The following ADAMTS2 variants were observed in gnomAD, a reference collection of about 807,000 sequenced individuals.
ADAMTS2 encodes the protein A disintegrin and metalloproteinase with thrombospondin motifs 2.
In ADAMTS2, 50 loss-of-function variants were observed where a neutral mutation model predicts 123.0. The ratio of observed to expected loss-of-function variants is 0.41; its 90% confidence interval spans 0.32 to 0.51. The LOEUF (loss-of-function observed/expected upper bound fraction) is 0.51. ADAMTS2 is among the 20% of genes least tolerant of loss of function. ADAMTS2 has a pLI of 0.35. For synonymous variants in ADAMTS2, 678 were observed against 695.4 expected (o/e 0.98, Z 0.39); for missense variants, 1,494 against 1,705.2 (o/e 0.88, Z 2.18).
rs1346940221 is a variant in ADAMTS2 at position 179,155,952 on chromosome 5, C to T, written c.1133-1033G>A. On this transcript the variant is annotated intron_variant, in intron 6 of 21. Transcript: ENST00000251582. The surrounding 1 kb of genome is among the most constrained non-coding windows in gnomAD (Gnocchi z 5.1). ...TGTACGCGCCTAAAAATAGAAGCATCGTGATCTAACCCTTGTCTTTTCCCG... is the reference window on the plus strand; with the variant it reads ...TGTACGCGCCTAAAAATAGAAGCATTGTGATCTAACCCTTGTCTTTTCCCG... Among the ~76,000 whole-genome samples the T allele has an allele frequency of 6.6e-6, 1 of 152,134 alleles. No homozygotes were observed. Among genetic ancestry groups the T allele is most frequent in the East Asian group, 1.9e-4 (1 of 5,178 alleles).
At chr5:179,179,072 A>G (rs10050501) in intron 5 of ADAMTS2, among the ~76,000 whole-genome samples, 139,293 of 152,230 alleles carry the variant, frequency 0.92, 63,905 homozygotes, top group East Asian at 1. Context: ...AGCCTCCCAA[A>G]TAGTTGGGAC....
At chr5:179,269,273 C>G (rs1351039578) in intron 3 of ADAMTS2, among the ~76,000 whole-genome samples, 1 of 152,216 alleles carries the variant, frequency 6.6e-6, no homozygotes, top group Non-Finnish European at 1.5e-5. Flanking sequence ...TTTCAGACTT[C>G]TGGCCCACAG....
chr5:179,300,996 T>C (rs929769), intron 2 of ADAMTS2, among the ~76,000 whole-genome samples: 72,774 of 151,668 alleles, frequency 0.48, 17,711 homozygotes, highest in South Asian at 0.58. Flanking sequence ...AAACACAGGC[T>C]TCCCCAGTCT....
Position 179,308,034 on chromosome 5 carries a change from G to A in ADAMTS2, c.535-34970C>T, listed in dbSNP as rs1273705581. Among the ~76,000 whole-genome samples the A allele has an allele frequency of 6.6e-6, 1 of 152,072 alleles. No individual in the cohort carries two copies. Among genetic ancestry groups the A allele is most frequent in the Non-Finnish European group, 1.5e-5 (1 of 68,010 alleles). On this transcript the variant is annotated intron_variant, in intron 2 of 21. Coordinates refer to ENST00000251582, the MANE Select transcript of ADAMTS2 (RefSeq NM_014244.5). The surrounding 1 kb of genome is among the most constrained non-coding windows in gnomAD (Gnocchi z 6.6). ...GGCATGGAGTTGAGTACGGGAGGTCGCCGGCCCTCCCGAGGCTCCCTTCCC... is the reference window on the plus strand; with the variant it reads ...GGCATGGAGTTGAGTACGGGAGGTCACCGGCCCTCCCGAGGCTCCCTTCCC...
chr5:179,121,584 G>T, intron 21 of ADAMTS2, 77 bp downstream of exon 21: 1 of 1,223,722 alleles, frequency 8.2e-7, no homozygotes. Context: ...CAGAGAGGAG[G>T]GGGGCCCAAG....
In ADAMTS2 at chr5:179,118,384, C is replaced by T. The variant is rs4701050; in HGVS notation, c.3178+3277G>A. Among the ~76,000 whole-genome samples the T allele has an allele frequency of 0.5, 75,299 of 151,788 alleles. 20,199 individuals are homozygous for T. Among genetic ancestry groups the T allele is most frequent in the African/African-American group, 0.72 (29,643 of 41,392 alleles). On this transcript the variant is annotated intron_variant, in intron 21 of 21. Coordinates refer to ENST00000251582, the MANE Select transcript of ADAMTS2 (RefSeq NM_014244.5). This position sits in a 1 kb window ranked among gnomAD's most constrained non-coding sequence, Gnocchi z 4.5. Reference sequence around the variant, plus strand: ...CGCCAAGATGAACACTGTGGTTTTACAATATTTGGTCTTCGGCCATTTCCA... The same window carrying T: ...CGCCAAGATGAACACTGTGGTTTTATAATATTTGGTCTTCGGCCATTTCCA...
chr5:179,211,845 G>C (rs1764857684), intron 3 of ADAMTS2, among the ~76,000 whole-genome samples: 1 of 152,192 alleles, frequency 6.6e-6, no homozygotes, highest in African/African-American at 2.4e-5. Flanking sequence ...CCTTCACAGT[G>C]GCAGCTCCAT....
intron 4 of ADAMTS2, among the ~76,000 whole-genome samples, chr5:179,192,078 C>T (rs1764318722): frequency 6.6e-6 from 1 of 152,164 alleles, no homozygotes; most frequent in Admixed American, 6.5e-5. Context: ...TCAGGCCAGC[C>T]TCCCTACTCC....
intron 2 of ADAMTS2, among the ~76,000 whole-genome samples, chr5:179,336,275 CA>C (rs761221872): frequency 1.4e-4 from 21 of 152,194 alleles, no homozygotes; most frequent in Non-Finnish European, 2.9e-4. Flanking sequence ...GCTGTGAGGT[CA>C]AAAAGTTAGG....
chr5:179,316,740 C>G (rs114160735), intron 2 of ADAMTS2, among the ~76,000 whole-genome samples: 2,624 of 152,234 alleles, frequency 0.017, 81 homozygotes, highest in African/African-American at 0.06. Flanking sequence ...AGTTCAAGAT[C>G]AGCCTGGGCA....
chr5:179,159,644 C>T (rs767186653), intron 5 of ADAMTS2, among the ~76,000 whole-genome samples: 1 of 152,192 alleles, frequency 6.6e-6, no homozygotes, highest in Non-Finnish European at 1.5e-5. Context: ...GACCGCTCGT[C>T]TTGCACACTC....
intron 3 of ADAMTS2, among the ~76,000 whole-genome samples, chr5:179,264,473 G>A (rs1402808272): frequency 1.4e-5 from 2 of 139,636 alleles, no homozygotes; most frequent in African/African-American, 4.9e-5. Context: ...CCTGAAAAGA[G>A]GGGGCATGCC....
rs115591484 is a variant in ADAMTS2 at position 179,164,737 on chromosome 5, T to C, written c.976-5858A>G. Among the ~76,000 whole-genome samples the C allele has an allele frequency of 8.1e-3, 1,239 of 152,288 alleles. 22 individuals carry two copies. Among genetic ancestry groups the C allele is most frequent in the African/African-American group, 0.028 (1,180 of 41,556 alleles). On this transcript the variant is annotated intron_variant, in intron 5 of 21. Coordinates refer to ENST00000251582, the MANE Select transcript of ADAMTS2 (RefSeq NM_014244.5). ...AGTCCCAAGCCGTAGCTGGGACCCA[T>C]GTTAGGCCCATGGAGCACAGGTTCG...
chr5:179,209,539 CACACACATGT>C (rs1470535266), intron 3 of ADAMTS2, among the ~76,000 whole-genome samples: 11 of 146,280 alleles, frequency 7.5e-5, no homozygotes, highest in South Asian at 2.2e-4. Context: ...CACACACATG[CACACACATGT>C]ACACACACAC....
intron 3 of ADAMTS2, among the ~76,000 whole-genome samples, chr5:179,254,545 T>C (rs1766000706): frequency 6.6e-6 from 1 of 152,294 alleles, no homozygotes; most frequent in South Asian, 2.1e-4. Flanking sequence ...TTTTAAAAGG[T>C]CAGAGGAAGC....
At chr5:179,282,708 T>C (rs993203101) in intron 2 of ADAMTS2, among the ~76,000 whole-genome samples, 1 of 152,178 alleles carries the variant, frequency 6.6e-6, no homozygotes, top group Non-Finnish European at 1.5e-5. Context: ...TGGAGTCATG[T>C]TTGGTACCCA....
intron 5 of ADAMTS2, among the ~76,000 whole-genome samples, chr5:179,168,846 A>T (rs1763763017): frequency 6.6e-6 from 1 of 152,200 alleles, no homozygotes; most frequent in Non-Finnish European, 1.5e-5. Flanking sequence ...TACAGATCAA[A>T]TCTCATCACG....
intron 2 of ADAMTS2, among the ~76,000 whole-genome samples, chr5:179,293,105 G>A (rs888109755): frequency 6.6e-6 from 1 of 152,160 alleles, no homozygotes; most frequent in Admixed American, 6.5e-5. Context: ...CAGCACTGGT[G>A]TAAGTGCTAA....
At chr5:179,295,430 T>C (rs1756301846) in intron 2 of ADAMTS2, among the ~76,000 whole-genome samples, 1 of 152,148 alleles carries the variant, frequency 6.6e-6, no homozygotes, top group Non-Finnish European at 1.5e-5. Flanking sequence ...CCCTGCAAGC[T>C]CCCTCGTCCT....
Sources: gnomAD v4.1 joint callset for allele counts (sites outside exome capture counted in the v4.1 genomes callset) on GRCh38, gnomAD v4.1.1 for gene constraint, Gnocchi (gnomAD v3.1) non-coding constraint, MANE v1.5 for transcripts, NCBI Gene and HGNC (gene_info 2026-07-23, HGNC 2026-07-21) for gene names.